Variants in CHST15 observed in about 807,000 individuals in gnomAD.
CHST15 encodes the protein B cell RAG associated protein (GALNAC4S-6ST).
Under a neutral mutation model 53.6 loss-of-function variants are expected in CHST15, and 30 were observed. The observed-to-expected ratio is 0.56, with a 90% CI of 0.42 to 0.76. The LOEUF is 0.76. Ranked by LOEUF, CHST15 falls within the 30% of genes least tolerant of loss-of-function variation. The pLI is 0.00. For synonymous variants in CHST15, 296 were observed against 289.8 expected (o/e 1.02, Z -0.22); for missense variants, 627 against 740.5 (o/e 0.85, Z 1.78).
chr10:124,011,961 T>C (rs1946429482), intron 7 of CHST15, among the ~76,000 whole-genome samples: 2 of 152,184 alleles, frequency 1.3e-5, no homozygotes, highest in African/African-American at 2.4e-5. Context: ...TCCTCATCCG[T>C]GCAGTAGCTG....
chr10:124,055,238 G>T (rs563109124), intron 1 of CHST15, among the ~76,000 whole-genome samples: 2 of 152,106 alleles, frequency 1.3e-5, no homozygotes, highest in African/African-American at 2.4e-5. Flanking sequence ...TCACTCTCTC[G>T]TGAAGATTCC....
chr10:124,060,015 TTAC>T (rs1948507121), intron 1 of CHST15, among the ~76,000 whole-genome samples: 2 of 152,106 alleles, frequency 1.3e-5, no homozygotes, highest in Non-Finnish European at 2.9e-5. Flanking sequence ...GACCCAGCCC[TTAC>T]TAAGCCTGCC....
intron 1 of CHST15, among the ~76,000 whole-genome samples, chr10:124,077,927 A>T (rs139837459): frequency 6.6e-6 from 1 of 152,224 alleles, no homozygotes; most frequent in Non-Finnish European, 1.5e-5. Flanking sequence ...AATACACCAG[A>T]GCATAATTCA....
chr10:124,060,850 G>C (rs1056587767), intron 1 of CHST15, among the ~76,000 whole-genome samples: 1 of 152,202 alleles, frequency 6.6e-6, no homozygotes, highest in Non-Finnish European at 1.5e-5. Context: ...GAAACCCCAG[G>C]GAGCTCTCAC....
Position 124,009,570 on chromosome 10 carries a change from G to A in CHST15, c.*579C>T, listed in dbSNP as rs1029736819. On this transcript the variant is annotated 3_prime_UTR_variant, in exon 8 of 8. Transcript: ENST00000435907. The stretch of plus-strand genomic sequence containing the variant: ...AAAAAAATGAAGAGCCTCCATTCTC[G>A]AAAGACTGCGGTTCTCTGTCCCAGT... 9 of 988,642 alleles carry A rather than the reference G, an allele frequency of 9.1e-6. No individual in the cohort carries two copies. Among genetic ancestry groups the A allele is most frequent in the East Asian group, 1.1e-4 (1 of 8,862 alleles). The allele number at this position is 988,642 out of a possible 1,614,324, so 61.2% of individuals were successfully genotyped here.
chr10:124,089,811 C>A (rs1434732643), intron 1 of CHST15, among the ~76,000 whole-genome samples: 2 of 152,198 alleles, frequency 1.3e-5, no homozygotes, highest in Non-Finnish European at 2.9e-5. Flanking sequence ...GCCAATTCCG[C>A]TTGTCCCCAT....
At chr10:124,092,006 A>G (rs1949614160) in intron 1 of CHST15, among the ~76,000 whole-genome samples, 1 of 151,102 alleles carries the variant, frequency 6.6e-6, no homozygotes, top group South Asian at 2.1e-4. Context: ...AAGCCTCAAC[A>G]CGCACACACT....
chr10:124,032,763 A>G (rs1947271990), intron 5 of CHST15, among the ~76,000 whole-genome samples: 2 of 150,288 alleles, frequency 1.3e-5, no homozygotes, highest in African/African-American at 4.9e-5. Flanking sequence ...CTTTGGCCAT[A>G]TGAACCATCC....
intron 1 of CHST15, among the ~76,000 whole-genome samples, chr10:124,050,280 A>C (rs1248390656): frequency 2.0e-5 from 3 of 152,138 alleles, no homozygotes; most frequent in Non-Finnish European, 4.4e-5. Context: ...TCCCAAGTGG[A>C]GCTTCTGTCC....
intron 1 of CHST15, among the ~76,000 whole-genome samples, chr10:124,060,934 A>T (rs1025772229): frequency 1.7e-4 from 26 of 152,072 alleles, no homozygotes; most frequent in African/African-American, 6.3e-4. Flanking sequence ...AGGAACCAGG[A>T]TGAGCTGCCA....
chr10:124,028,053 G>C (rs968830708), intron 5 of CHST15, among the ~76,000 whole-genome samples: 3 of 152,238 alleles, frequency 2.0e-5, no homozygotes, highest in Non-Finnish European at 2.9e-5. Context: ...AGTCACAGGA[G>C]ACTGATAAAC....
intron 1 of CHST15, among the ~76,000 whole-genome samples, chr10:124,055,726 T>G (rs1310453646): frequency 3.9e-5 from 6 of 152,134 alleles, no homozygotes; most frequent in Admixed American, 3.9e-4. Context: ...CAAATGACCA[T>G]GCTCATCCAG....
At chr10:124,061,539 C>T (rs967437895) in intron 1 of CHST15, among the ~76,000 whole-genome samples, 1 of 152,190 alleles carries the variant, frequency 6.6e-6, no homozygotes, top group Non-Finnish European at 1.5e-5. Flanking sequence ...CGGACTAATA[C>T]ACTCCCCACA....
chr10:124,011,805 T>C (rs1450264762), intron 7 of CHST15: 1 of 985,284 alleles, frequency 1.0e-6, no homozygotes, highest in African/African-American at 1.7e-5. Context: ...CGGCTCTGAC[T>C]CCTGGAATTT....
chr10:124,085,467 A>G (rs1160479517), intron 1 of CHST15, among the ~76,000 whole-genome samples: 1 of 152,240 alleles, frequency 6.6e-6, no homozygotes, highest in Non-Finnish European at 1.5e-5. Flanking sequence ...TTGAGTGACA[A>G]GTGTGAGCTC....
At chr10:124,052,116 C>G (rs1213461441) in intron 1 of CHST15, among the ~76,000 whole-genome samples, 7 of 152,116 alleles carry the variant, frequency 4.6e-5, no homozygotes, top group African/African-American at 1.7e-4. Context: ...TTAACCTTTA[C>G]TAAAACACAA....
In CHST15 at chr10:124,046,266, A is replaced by G. The variant is rs1461841895; in HGVS notation, c.-54T>C. 6.6e-6 allele frequency: 10 copies of G among 1,509,354 alleles called. No individual in the cohort carries two copies. The highest frequency in any genetic ancestry group is 8.9e-6 in the Non-Finnish European group (10 of 1,124,128). The allele number at this position is 1,509,354 out of a possible 1,614,324, so 93.5% of individuals were successfully genotyped here. A position where few individuals can be genotyped will look rare whatever the true frequency, so the allele number is the denominator to read the frequency against. The stretch of plus-strand genomic sequence containing the variant: ...TTACCGAGCCATGGGTGGGCCCCCC[A>G]CGAGTCTGGATGTCCGCAAGTCGTG... On this transcript the variant is annotated 5_prime_UTR_variant, in exon 2 of 8. Coordinates refer to ENST00000435907, the MANE Select transcript of CHST15 (RefSeq NM_001270764.2).
rs532426372 is a variant in CHST15, at chr10:124,067,703, G to A, written c.-512-20979C>T. On this transcript the variant is annotated intron_variant, in intron 1 of 7. Coordinates refer to ENST00000435907, the MANE Select transcript of CHST15 (RefSeq NM_001270764.2). Reference sequence around the variant, plus strand: ...ATGATCTCAGCTCACTGCAACCTCCGCCTCCTGGGTTCAAGCGATTCTCCT... The same window carrying A: ...ATGATCTCAGCTCACTGCAACCTCCACCTCCTGGGTTCAAGCGATTCTCCT... Among the ~76,000 whole-genome samples, 8 of 152,246 alleles carry A rather than the reference G, an allele frequency of 5.3e-5. No individual in the cohort carries two copies. In the East Asian group the frequency reaches 1.2e-3, roughly 22 times the overall value.
intron 1 of CHST15, among the ~76,000 whole-genome samples, chr10:124,066,482 C>T (rs772071921): frequency 1.5e-4 from 23 of 151,948 alleles, no homozygotes; most frequent in Non-Finnish European, 2.6e-4. Context: ...CGAGTTTACA[C>T]GGTCACAAAG....
Sources: gnomAD v4.1 joint callset for allele counts (sites outside exome capture counted in the v4.1 genomes callset) on GRCh38, gnomAD v4.1.1 for gene constraint, MANE v1.5 for transcripts, NCBI Gene and HGNC (gene_info 2026-07-23, HGNC 2026-07-21) for gene names.